MIER2: variants seen among roughly 807,000 people sequenced by gnomAD.
MIER2 encodes the protein MIER family member 2.
In MIER2, 30 loss-of-function variants were observed where a neutral mutation model predicts 67.6. The ratio of observed to expected loss-of-function variants is 0.44; its 90% confidence interval spans 0.33 to 0.60. The LOEUF (loss-of-function observed/expected upper bound fraction) is 0.60. MIER2 is among the 20% of genes least tolerant of loss of function. MIER2 has a pLI of 0.02. For synonymous variants in MIER2, 372 were observed against 312.6 expected, an observed-to-expected ratio of 1.19 and a Z score of -2.00; for missense variants, 702 against 745.1, an observed-to-expected ratio of 0.94 and a Z score of 0.67.
At chr19:336,651 G>T (rs1337902743) in intron 1 of MIER2, among the ~76,000 whole-genome samples, 1 of 152,170 alleles carries the variant, frequency 6.6e-6, no homozygotes, top group African/African-American at 2.4e-5. Context: ...TGCTAACGGG[G>T]ACAGGGCTTC....
At chr19:326,980 G>A in intron 5 of MIER2, 153 bp downstream of exon 5, 1 of 1,090,678 alleles carries the variant, frequency 9.2e-7, no homozygotes. Flanking sequence ...GGAGAACAAA[G>A]CACCCCCAGG....
At chr19:312,406 C>T (rs995627036) in intron 8 of MIER2, 134 bp from the exon 9 acceptor site, 4 of 727,618 alleles carry the variant, frequency 5.5e-6, no homozygotes. Flanking sequence ...GCCACCTACA[C>T]CTCTATCCAG....
rs2289868 is a variant in MIER2 at position 307,463 on chromosome 19, C to A, written c.1272G>T (p.Ser424=). 4.1e-5 allele frequency: 64 copies of A among 1,563,202 alleles called. No homozygotes were observed. In the East Asian group the frequency reaches 8.2e-4, roughly 20 times the overall value. ...PGVASDGLPS[S]EPGPCSFQQL... Reference sequence around the variant, plus strand: ...GCTGGAAGGAACACGGCCCTGGCTCCGAGGACGGGAGTCCATCAGAGGCCA... The same window carrying A: ...GCTGGAAGGAACACGGCCCTGGCTCAGAGGACGGGAGTCCATCAGAGGCCA... The change falls in exon 13 of 14, where the codon TCG becomes TCT. Residue 424 remains serine (S), a synonymous_variant. Coordinates refer to ENST00000264819, the MANE Select transcript of MIER2 (RefSeq NM_017550.3).
At chr19:306,766 C>T in intron 13 of MIER2, 55 bp from the exon 14 acceptor site, 1 of 1,551,632 alleles carries the variant, frequency 6.4e-7, no homozygotes, top group Admixed American at 2.0e-5. Flanking sequence ...CCCCACGTGC[C>T]TGCACAGCCC....
rs752996632 is a variant in MIER2, at chr19:307,202, G to A, written c.1533C>T (p.Leu511=). The part of the protein sequence containing the change: ...QVALSVTEFG[L]IGIGDVNPFL... The stretch of plus-strand genomic sequence containing the variant: ...AGGGGTTCACGTCCCCAATGCCGAT[G>A]AGTCCAAACTCGGTGACCGACAAAG... The change falls in exon 13 of 14, where the codon CTC becomes CTT. Residue 511 remains leucine, a synonymous_variant. Coordinates refer to ENST00000264819, the MANE Select transcript of MIER2 (RefSeq NM_017550.3). 6 of 1,591,728 alleles carry A rather than the reference G, an allele frequency of 3.8e-6. No homozygotes were observed. In the African/African-American group the frequency reaches 4.0e-5, roughly 11 times the overall value.
chr19:341,969 CAA>C, intron 1 of MIER2, among the ~76,000 whole-genome samples: 1 of 152,078 alleles, frequency 6.6e-6, no homozygotes, highest in East Asian at 1.9e-4. Context: ...ACCAAAAACA[CAA>C]GAGGCCACCC....
In MIER2 at chr19:335,339, AG is replaced by A. The variant is rs1218776077; in HGVS notation, c.100+743del. Among the ~76,000 whole-genome samples the A allele has an allele frequency of 7.2e-5, 11 of 152,230 alleles. 1 individual carries two copies. In the South Asian group the frequency reaches 1.9e-3, roughly 26 times the overall value. On this transcript the variant is annotated intron_variant, in intron 2 of 13. Transcript: ENST00000264819. Reference sequence around the variant, plus strand: ...TGTGCACCACACACAGCCCATGCACAGAACATGCAGCTGCAGGGCACAGAGG... The same window carrying A: ...TGTGCACCACACACAGCCCATGCACAAACATGCAGCTGCAGGGCACAGAGG...
chr19:315,152 G>A (rs1380615807), intron 7 of MIER2, among the ~76,000 whole-genome samples: 1 of 151,754 alleles, frequency 6.6e-6, no homozygotes, highest in African/African-American at 2.4e-5. Flanking sequence ...GTCACCTGAG[G>A]TCAGGAGTTC....
chr19:334,229 T>C, intron 3 of MIER2, 171 bp downstream of exon 3: 1 of 917,384 alleles, frequency 1.1e-6, no homozygotes, highest in Non-Finnish European at 1.7e-6. Flanking sequence ...GAGAGCCCCA[T>C]GAAAGACCTG....
intron 7 of MIER2, among the ~76,000 whole-genome samples, chr19:319,062 A>AAAG (rs1971385189): frequency 6.7e-6 from 1 of 149,248 alleles, no homozygotes; most frequent in Admixed American, 6.7e-5. Context: ...TCTCAAAAAA[A>AAAG]AAAAAAAAAT....
intron 7 of MIER2, among the ~76,000 whole-genome samples, chr19:318,778 T>C (rs72984455): frequency 0.15 from 22,557 of 152,086 alleles, 2,270 homozygotes; most frequent in African/African-American, 0.27. Context: ...AAAAGGAGGC[T>C]GGGCGCGGTG....
intron 7 of MIER2, among the ~76,000 whole-genome samples, chr19:321,966 G>A (rs1247045118): frequency 3.3e-5 from 5 of 151,858 alleles, no homozygotes; most frequent in South Asian, 2.1e-4. Context: ...GTGCAGTGGC[G>A]CGATCTCGGC....
At chr19:319,692 C>T (rs1333935500) in intron 7 of MIER2, among the ~76,000 whole-genome samples, 5 of 152,094 alleles carry the variant, frequency 3.3e-5, no homozygotes, top group Admixed American at 1.3e-4. Context: ...CTCCTGGCCT[C>T]GTGATCCGCC....
rs1158715495 is a variant in MIER2 at position 307,501 on chromosome 19, C to T, written c.1234G>A (p.Asp412Asn). ...CCATCAGAGGCCACTCCGGGCTCAT[C>T]GAGACCACCGGCCGTGCCATCCACG... ...LSVDGTAGGL[D>N]EPGVASDGLP... The change falls in exon 13 of 14, where the codon GAT becomes AAT. Residue 412 changes from aspartate (D) to asparagine (N), a missense_variant. Transcript: ENST00000264819. The T allele has an allele frequency of 4.6e-6, 7 of 1,519,194 alleles. No individual in the cohort carries two copies. In the African/African-American group the frequency reaches 5.5e-5, roughly 12 times the overall value. The allele number at this position is 1,519,194 out of a possible 1,614,324, so 94.1% of individuals were successfully genotyped here. A position where few individuals can be genotyped will look rare whatever the true frequency, so the allele number is the denominator to read the frequency against.
chr19:311,921 C>G lies in MIER2; in HGVS notation c.908G>C (p.Ser303Thr). The part of the protein sequence containing the change: ...KVIRDGLCAW[S>T]EEECRNFEHG... Reference sequence around the variant, plus strand: ...CTCAAAGTTCCTGCACTCCTCTTCACTCCAAGCACAGAGCCCATCTGCAAA... The same window carrying G: ...CTCAAAGTTCCTGCACTCCTCTTCAGTCCAAGCACAGAGCCCATCTGCAAA... The change falls in exon 10 of 14, where the codon AGT becomes ACT. Residue 303 changes from serine (S) to threonine (T), a missense_variant. Physicochemically the swap from Ser to Thr is moderately conservative, Grantham distance 58. Transcript: ENST00000264819. The G allele has an allele frequency of 6.2e-7, 1 of 1,614,044 alleles. No homozygotes were observed. Among genetic ancestry groups the G allele is most frequent in the Non-Finnish European group, 8.5e-7 (1 of 1,179,942 alleles).
At position 311,923 on chromosome 19, in the gene MIER2, C is replaced by T; in HGVS notation, c.906G>A (p.Trp302Ter). The T allele has an allele frequency of 6.2e-7, 1 of 1,614,048 alleles. No individual in the cohort carries two copies. Among genetic ancestry groups the T allele is most frequent in the Non-Finnish European group, 8.5e-7 (1 of 1,179,946 alleles). The stretch of plus-strand genomic sequence containing the variant: ...CAAAGTTCCTGCACTCCTCTTCACT[C>T]CAAGCACAGAGCCCATCTGCAAACA... ...VKVIRDGLCA[W>*]SEEECRNFEH... The change falls in exon 10 of 14, where the codon TGG becomes TGA. Residue 302 changes from tryptophan to a stop codon, truncating the protein, a stop_gained. Coordinates refer to ENST00000264819, the MANE Select transcript of MIER2 (RefSeq NM_017550.3). LOFTEE classifies it high-confidence loss of function.
At chr19:313,430 T>G (rs1971102694) in intron 8 of MIER2, 62 bp downstream of exon 8, 1 of 1,575,534 alleles carries the variant, frequency 6.3e-7, no homozygotes, top group Non-Finnish European at 8.6e-7. Flanking sequence ...CACTGGGGTG[T>G]GAGCTCTGGC....
At chr19:317,493 C>G (rs550424210) in intron 7 of MIER2, among the ~76,000 whole-genome samples, 1 of 151,374 alleles carries the variant, frequency 6.6e-6, no homozygotes, top group South Asian at 2.1e-4. Context: ...CGCCACTGCA[C>G]TCCAACCTGG....
At chr19:344,723 GGCGCGGACGC>G (rs1375777575) in intron 1 of MIER2, 41 bp downstream of exon 1, 1 of 1,110,970 alleles carries the variant, frequency 9.0e-7, no homozygotes, top group East Asian at 4.3e-5. Context: ...GGCGGCGGGG[GGCGCGGACGC>G]GCGGGGGCGG....
Sources: gnomAD v4.1 joint callset for allele counts (sites outside exome capture counted in the v4.1 genomes callset) on GRCh38, gnomAD v4.1.1 for gene constraint, MANE v1.5 for transcripts, NCBI Gene and HGNC (gene_info 2026-07-23, HGNC 2026-07-21) for gene names.